The following FRYL variants were observed in gnomAD, a reference collection of about 807,000 sequenced individuals.
FRYL encodes the protein protein furry homolog-like.
FRYL carries 150 observed loss-of-function variants against 351.2 expected under a neutral mutation model. The ratio of observed to expected loss-of-function variants is 0.43; its 90% confidence interval spans 0.37 to 0.49. The LOEUF is 0.49. Ranked by LOEUF, FRYL falls within the 20% of genes least tolerant of loss-of-function variation. The pLI is 0.00. For missense variants in FRYL, 3,036 were observed against 3,619.3 expected (o/e 0.84, Z 4.13); for synonymous variants, 1,153 against 1,257.1 (o/e 0.92, Z 1.75).
chr4:48,589,928 T>C (rs1359153005), intron 17 of FRYL, 51 bp from the exon 18 acceptor site: 1 of 1,463,452 alleles, frequency 6.8e-7, no homozygotes, highest in African/African-American at 1.4e-5. Flanking sequence ...AGATAAAGAA[T>C]ACTTACTTTC....
At chr4:48,659,273 C>T (rs1377798418) in intron 3 of FRYL, among the ~76,000 whole-genome samples, 1 of 151,292 alleles carries the variant, frequency 6.6e-6, no homozygotes, top group East Asian at 1.9e-4. Flanking sequence ...ATTACTGGAA[C>T]CCCGGAGGCG....
chr4:48,510,877 C>T lies in FRYL; in HGVS notation c.8253G>A (p.Met2751Ile). The T allele has an allele frequency of 1.9e-6, 3 of 1,613,346 alleles. No homozygotes were observed. Among genetic ancestry groups the T allele is most frequent in the Non-Finnish European group, 2.5e-6 (3 of 1,179,530 alleles). Residue 2751 changes from methionine (M) to isoleucine (I), a missense_variant, in exon 58 of 64, where the codon ATG (methionine) becomes ATA (isoleucine). Around this residue, in one of 7 missense-constraint regions of FRYL, gnomAD observed 1,987 missense variants for 2,311.7 expected, o/e 0.86. Coordinates refer to ENST00000358350, the MANE Select transcript of FRYL (RefSeq NM_015030.2). ...AGACTGTTGGGCATTCTGAACACAGCATCATCACTTCCAAGGAACTTTTAA... is the reference window on the plus strand; with the variant it reads ...AGACTGTTGGGCATTCTGAACACAGTATCATCACTTCCAAGGAACTTTTAA... Reference protein sequence around the residue: ...TKFKSSLEVMMLCSECPTVFV... With the variant: ...TKFKSSLEVMILCSECPTVFV...
chr4:48,599,529 A>G (rs376561229), intron 13 of FRYL, among the ~76,000 whole-genome samples: 5 of 152,196 alleles, frequency 3.3e-5, no homozygotes, highest in South Asian at 4.1e-4. Context: ...ATGACTAGAG[A>G]GTAATGCCTT....
At chr4:48,694,079 T>G (rs1437832864) in intron 2 of FRYL, among the ~76,000 whole-genome samples, 1 of 152,134 alleles carries the variant, frequency 6.6e-6, no homozygotes, top group South Asian at 2.1e-4. Context: ...AAATATCACC[T>G]GGTTTCTGGG....
At chr4:48,768,748 G>A (rs1453986149) in intron 1 of FRYL, among the ~76,000 whole-genome samples, 1 of 151,692 alleles carries the variant, frequency 6.6e-6, no homozygotes, top group Non-Finnish European at 1.5e-5. Context: ...TGTTGAGTGC[G>A]CCATTGCACT....
rs1472335466 is a variant in FRYL at position 48,600,106 on chromosome 4, C to CA, written c.1035+1913dup. ...TGGGTGACAGAGCGAGACTTCATCT[C>CA]AAAAAAAAAAAGGTATAGGTCTAAT... On this transcript the variant is annotated intron_variant, in intron 13 of 63. Coordinates refer to ENST00000358350, the MANE Select transcript of FRYL (RefSeq NM_015030.2). Among the ~76,000 whole-genome samples the CA allele has an allele frequency of 8.4e-3, 1,138 of 135,444 alleles. 17 individuals are homozygous for CA. Among genetic ancestry groups the CA allele is most frequent in the African/African-American group, 0.028 (1,054 of 36,986 alleles). 88.9% of individuals were successfully genotyped at this position (135,444 alleles called of 152,430 possible).
At position 48,551,502 on chromosome 4, in the gene FRYL, A is replaced by AGAG; in HGVS notation, c.4511_4512insCTC (p.Ile1504_Glu1505insSer). On this transcript the variant is annotated inframe_insertion, in exon 37 of 64. Transcript: ENST00000358350. ...AACAGAGAAGTACTTACCTCTCTTC[A>AGAG]ATATTCTCTTTAATGGGCTTATTAT... 6.3e-7 allele frequency: 1 copy of AGAG among 1,599,428 alleles called. No homozygotes were observed. Among genetic ancestry groups the AGAG allele is most frequent in the Non-Finnish European group, 8.6e-7 (1 of 1,167,412 alleles).
At chr4:48,743,275 G>A (rs761229970) in intron 1 of FRYL, among the ~76,000 whole-genome samples, 3 of 152,096 alleles carry the variant, frequency 2.0e-5, no homozygotes, top group Admixed American at 1.3e-4. Context: ...AGAAAACCAC[G>A]TCACACCTAA....
At chr4:48,572,252 A>G (rs1327103874) in intron 26 of FRYL, among the ~76,000 whole-genome samples, 1 of 152,212 alleles carries the variant, frequency 6.6e-6, no homozygotes, top group African/African-American at 2.4e-5. Context: ...ATTCTCATTC[A>G]ATAGACCCAG....
At chr4:48,526,162 A>G (rs1726184293) in intron 53 of FRYL, among the ~76,000 whole-genome samples, 1 of 152,224 alleles carries the variant, frequency 6.6e-6, no homozygotes, top group Non-Finnish European at 1.5e-5. Flanking sequence ...TATGTATATG[A>G]GAGCTAAATG....
In FRYL at chr4:48,525,064, G is replaced by GAAA. The variant is rs528826304; in HGVS notation, c.7318-1963_7318-1961dup. ...TTTAGGGTGGTAACCTACACTTTTT[G>GAAA]AAAAAAAAAAAAAAAGAATGAAAAG... is the stretch of plus-strand genomic sequence containing the variant. On this transcript the variant is annotated intron_variant, in intron 53 of 63. Coordinates refer to ENST00000358350, the MANE Select transcript of FRYL (RefSeq NM_015030.2). Among the ~76,000 whole-genome samples, 4 of 82,252 alleles carry GAAA rather than the reference G, an allele frequency of 4.9e-5. 1 individual carries two copies. The highest frequency in any genetic ancestry group is 1.8e-4 in the African/African-American group (4 of 21,850). The allele number at this position is 82,252 out of a possible 152,430, so 54.0% of individuals were successfully genotyped here. A position where few individuals can be genotyped will look rare whatever the true frequency, so the allele number is the denominator to read the frequency against.
chr4:48,644,621 A>C (rs1406996113), intron 3 of FRYL, among the ~76,000 whole-genome samples: 3 of 151,976 alleles, frequency 2.0e-5, no homozygotes, highest in Non-Finnish European at 4.4e-5. Flanking sequence ...TAAAGAAAAA[A>C]TAAATATACT....
chr4:48,570,767 A>G (rs1027348724), intron 27 of FRYL, 60 bp downstream of exon 27: 3 of 1,249,602 alleles, frequency 2.4e-6, no homozygotes, highest in Non-Finnish European at 3.5e-6. Context: ...TCATGAGCGA[A>G]AAGAGATTAC....
intron 3 of FRYL, among the ~76,000 whole-genome samples, chr4:48,666,944 TTTG>T (rs1169170384): frequency 1.2e-4 from 19 of 152,314 alleles, no homozygotes; most frequent in Non-Finnish European, 2.5e-4. Context: ...TATGATTTAC[TTTG>T]TAATAACTAA....
intron 1 of FRYL, among the ~76,000 whole-genome samples, chr4:48,763,354 C>T (rs1437771961): frequency 3.3e-5 from 5 of 151,484 alleles, no homozygotes; most frequent in Non-Finnish European, 7.4e-5. Context: ...CCCAGCTACT[C>T]GGGAGGCTGA....
At chr4:48,678,223 G>A (rs553060358) in intron 3 of FRYL, among the ~76,000 whole-genome samples, 5 of 152,096 alleles carry the variant, frequency 3.3e-5, no homozygotes, top group Non-Finnish European at 7.4e-5. Flanking sequence ...GAAAATGATT[G>A]GCATAGCATT....
chr4:48,774,292 A>C (rs1468329972), intron 1 of FRYL, among the ~76,000 whole-genome samples: 7 of 152,204 alleles, frequency 4.6e-5, no homozygotes, highest in Admixed American at 3.9e-4. Context: ...TCACTTTAAA[A>C]TTTTAACTCT....
intron 1 of FRYL, among the ~76,000 whole-genome samples, chr4:48,758,802 T>C (rs577692448): frequency 1.3e-5 from 2 of 152,204 alleles, no homozygotes; most frequent in Non-Finnish European, 2.9e-5. Flanking sequence ...TGTGGCACTA[T>C]TCACAATAGC....
rs142311402 is a variant in FRYL at position 48,556,945 on chromosome 4, A to G, written c.4266+33T>C. 3.2e-4 allele frequency: 477 copies of G among 1,503,896 alleles called. 2 individuals carry two copies. The African/African-American group carries it at 5.7e-3, about 18-fold the overall frequency. The allele number at this position is 1,503,896 out of a possible 1,614,324, so 93.2% of individuals were successfully genotyped here. ...ACAAGATACTAGTAAATATATACATATATTTTAAAATTAAATGAACTTGAA... is the reference window on the plus strand; with the variant it reads ...ACAAGATACTAGTAAATATATACATGTATTTTAAAATTAAATGAACTTGAA... On this transcript the variant is annotated intron_variant, in intron 35 of 63. Transcript: ENST00000358350.
Sources: allele counts gnomAD v4.1 joint callset (sites outside exome capture counted in the v4.1 genomes callset), GRCh38; gene constraint gnomAD v4.1.1; regional missense constraint gnomAD v4.1.1; transcripts MANE v1.5; gene names NCBI Gene and HGNC (gene_info 2026-07-23, HGNC 2026-07-21).